The following CAMK1D variants were observed in gnomAD, a reference collection of about 807,000 sequenced individuals.
CAMK1D encodes the protein calcium/calmodulin-dependent protein kinase type 1D.
CAMK1D carries 9 observed loss-of-function variants against 47.7 expected under a neutral mutation model. The ratio of observed to expected loss-of-function variants is 0.19; its 90% CI spans 0.11 to 0.33. The LOEUF is 0.33. CAMK1D is among the 10% of genes least tolerant of loss of function. CAMK1D has a pLI of 1.00. For missense variants in CAMK1D, 291 were observed against 488.7 expected (o/e 0.60, Z 3.81); for synonymous variants, 184 against 184.9 (o/e 0.99, Z 0.04).
intron 3 of CAMK1D, among the ~76,000 whole-genome samples, chr10:12,739,833 C>T (rs11817189): frequency 0.046 from 7,064 of 152,102 alleles, 366 homozygotes; most frequent in African/African-American, 0.12. Flanking sequence ...ACCGACCCAT[C>T]GAATCATTTT....
At chr10:12,357,462 C>T (rs1056058158) in intron 1 of CAMK1D, among the ~76,000 whole-genome samples, 2 of 152,094 alleles carry the variant, frequency 1.3e-5, no homozygotes, top group Admixed American at 6.6e-5. Context: ...ACTACAGGCG[C>T]GTACTACCAC....
intron 1 of CAMK1D, among the ~76,000 whole-genome samples, chr10:12,396,868 T>C (rs1838980526): frequency 6.6e-6 from 1 of 152,218 alleles, no homozygotes; most frequent in African/African-American, 2.4e-5. Context: ...TTTGGGTTTT[T>C]AACTCAGTCG....
intron 3 of CAMK1D, among the ~76,000 whole-genome samples, chr10:12,668,561 G>A (rs1000477955): frequency 6.6e-6 from 1 of 152,178 alleles, no homozygotes; most frequent in African/African-American, 2.4e-5. Context: ...TTCATTAGAG[G>A]ATTATAGTGA....
chr10:12,525,627 C>T (rs941413202), intron 1 of CAMK1D, among the ~76,000 whole-genome samples: 18 of 152,118 alleles, frequency 1.2e-4, no homozygotes, highest in Admixed American at 6.5e-4. Flanking sequence ...ACAGTGTTCC[C>T]ACTTACTTAG....
At chr10:12,804,312 TATTC>T (rs1454973576) in intron 6 of CAMK1D, among the ~76,000 whole-genome samples, 1 of 152,112 alleles carries the variant, frequency 6.6e-6, no homozygotes, top group Non-Finnish European at 1.5e-5. Flanking sequence ...GATCGACAAA[TATTC>T]ATTAAATAGT....
At chr10:12,762,554 C>T (rs1836559997) in intron 4 of CAMK1D, among the ~76,000 whole-genome samples, 1 of 152,058 alleles carries the variant, frequency 6.6e-6, no homozygotes, top group South Asian at 2.1e-4. Context: ...ACTGCTGCCC[C>T]ATCCCCAGTG....
At chr10:12,548,894 C>T (rs1219335225) in intron 1 of CAMK1D, among the ~76,000 whole-genome samples, 3 of 152,016 alleles carry the variant, frequency 2.0e-5, no homozygotes, top group Non-Finnish European at 4.4e-5. Context: ...CTCGCTCTGT[C>T]ATCAAGGTTG....
chr10:12,597,939 C>T (rs1240567136), intron 2 of CAMK1D, among the ~76,000 whole-genome samples: 3 of 152,154 alleles, frequency 2.0e-5, no homozygotes, highest in Admixed American at 2.0e-4. Flanking sequence ...ACAGAAAACA[C>T]GTCAGCACCA....
chr10:12,642,549 T>A (rs1839696617), intron 2 of CAMK1D, among the ~76,000 whole-genome samples: 1 of 152,186 alleles, frequency 6.6e-6, no homozygotes, highest in African/African-American at 2.4e-5. Flanking sequence ...CTTTCCAACA[T>A]TGAAAGAAAA....
At chr10:12,474,867 ATT>A (rs34774331) in intron 1 of CAMK1D, among the ~76,000 whole-genome samples, 1 of 148,536 alleles carries the variant, frequency 6.7e-6, no homozygotes, top group Non-Finnish European at 1.5e-5. Flanking sequence ...GCGTTCCTGC[ATT>A]TTTTTTTTTG....
At chr10:12,669,113 T>A (rs370132545) in intron 3 of CAMK1D, among the ~76,000 whole-genome samples, 49 of 152,148 alleles carry the variant, frequency 3.2e-4, no homozygotes, top group African/African-American at 1.2e-3. Context: ...GCACCTGCAG[T>A]CACATCTACT....
chr10:12,558,594 G>A (rs549029138), intron 2 of CAMK1D, among the ~76,000 whole-genome samples: 7 of 151,800 alleles, frequency 4.6e-5, no homozygotes, highest in African/African-American at 1.7e-4. Flanking sequence ...AGCACTTAAA[G>A]TACTTTTGCA....
chr10:12,680,017 TTC>T (rs1840939622), intron 3 of CAMK1D, among the ~76,000 whole-genome samples: 7 of 152,328 alleles, frequency 4.6e-5, no homozygotes, highest in African/African-American at 1.7e-4. Context: ...CACAGAAATT[TTC>T]TCTTTCCTAA....
chr10:12,570,874 C>T (rs771479512), intron 2 of CAMK1D, among the ~76,000 whole-genome samples: 8 of 152,012 alleles, frequency 5.3e-5, no homozygotes, highest in Non-Finnish European at 8.8e-5. Context: ...ATAACTTGAA[C>T]CCAGAGGCGG....
intron 1 of CAMK1D, among the ~76,000 whole-genome samples, chr10:12,488,095 A>G (rs1042551727): frequency 6.6e-6 from 1 of 152,086 alleles, no homozygotes; most frequent in African/African-American, 2.4e-5. Context: ...CATTCACTCT[A>G]AGTAGAAGAG....
chr10:12,787,302 T>A (rs1837770495), intron 5 of CAMK1D, among the ~76,000 whole-genome samples: 1 of 152,182 alleles, frequency 6.6e-6, no homozygotes, highest in African/African-American at 2.4e-5. Flanking sequence ...TGTCCCTTGA[T>A]GTGTGGATTT....
intron 2 of CAMK1D, among the ~76,000 whole-genome samples, chr10:12,583,537 G>T (rs1484805401): frequency 6.6e-6 from 1 of 151,842 alleles, no homozygotes; most frequent in Non-Finnish European, 1.5e-5. Context: ...CTTTGACCTT[G>T]CTCATTCAGG....
chr10:12,353,540 G>A (rs1019599882), intron 1 of CAMK1D, among the ~76,000 whole-genome samples: 1 of 152,096 alleles, frequency 6.6e-6, no homozygotes, highest in Admixed American at 6.6e-5. Flanking sequence ...AGTGGGGGCC[G>A]AATGGGAGTG....
chr10:12,699,316 C>T (rs147589511), intron 3 of CAMK1D, among the ~76,000 whole-genome samples: 64 of 152,210 alleles, frequency 4.2e-4, no homozygotes, highest in Middle Eastern at 6.8e-3. Context: ...TGCTGTGACT[C>T]GACCTCTTCT....
Sources: gnomAD v4.1 joint callset for allele counts (sites outside exome capture counted in the v4.1 genomes callset) on GRCh38, gnomAD v4.1.1 for gene constraint, MANE v1.5 for transcripts, NCBI Gene and HGNC (gene_info 2026-07-23, HGNC 2026-07-21) for gene names.